Variants in AGBL4 observed in about 807,000 individuals in gnomAD.
The protein encoded by AGBL4 is AGBL carboxypeptidase 4.
Under a neutral mutation model 66.4 loss-of-function variants are expected in AGBL4, and 58 were observed. That is an observed-to-expected ratio of 0.87 (90% CI 0.71 to 1.09). The LOEUF is 1.09. Ranked by LOEUF, AGBL4 falls within the 50% of genes least tolerant of loss-of-function variation. The probability of loss-of-function intolerance (pLI) is 0.00; values close to 1 mark genes in which losing one functional copy is unlikely to be tolerated. For missense variants in AGBL4, 579 were observed against 631.0 expected (o/e 0.92, Z 0.88); for synonymous variants, 234 against 222.9 (o/e 1.05, Z -0.44).
At chr1:49,178,422 G>A (rs891136814) in intron 4 of AGBL4, among the ~76,000 whole-genome samples, 7 of 152,000 alleles carry the variant, frequency 4.6e-5, no homozygotes, top group African/African-American at 7.2e-5. Context: ...CTCTGCATGC[G>A]GAATTCAAGT....
At chr1:49,285,344 C>A (rs545169984) in intron 3 of AGBL4, among the ~76,000 whole-genome samples, 1 of 151,994 alleles carries the variant, frequency 6.6e-6, no homozygotes, top group African/African-American at 2.4e-5. Context: ...CACAACATAC[C>A]ATTATCTGTG....
At chr1:48,662,880 C>T (rs905632864) in intron 7 of AGBL4, among the ~76,000 whole-genome samples, 8 of 151,970 alleles carry the variant, frequency 5.3e-5, no homozygotes, top group African/African-American at 1.9e-4. Flanking sequence ...CTCTTCCTCA[C>T]CACAGCACAT....
At chr1:49,096,186 A>G (rs1645097549) in intron 4 of AGBL4, among the ~76,000 whole-genome samples, 1 of 151,894 alleles carries the variant, frequency 6.6e-6, no homozygotes, top group South Asian at 2.1e-4. Flanking sequence ...AAGTCAGGAA[A>G]CAACAGGTGC....
chr1:49,015,864 A>G (rs1015737317), intron 5 of AGBL4, among the ~76,000 whole-genome samples: 4 of 152,106 alleles, frequency 2.6e-5, no homozygotes, highest in African/African-American at 9.7e-5. Flanking sequence ...TAAAATGGTC[A>G]ATTTCAGCGG....
chr1:48,762,864 A>G lies in AGBL4; in HGVS notation c.635-99623T>C, dbSNP rs936076767. On this transcript the variant is annotated intron_variant, in intron 6 of 13. Coordinates refer to ENST00000371839, the MANE Select transcript of AGBL4 (RefSeq NM_032785.4). ...GTCTAGTATCAGAGACTTAAGTGTG[A>G]ACCTCAGCTTTTCTATGACAGGATG... Among the ~76,000 whole-genome samples the G allele has an allele frequency of 9.9e-5, 15 of 152,184 alleles. 1 individual carries two copies. Among genetic ancestry groups the G allele is most frequent in the African/African-American group, 3.4e-4 (14 of 41,494 alleles).
At position 49,881,126 on chromosome 1, in the gene AGBL4, C is replaced by T. The variant is rs564868669; in HGVS notation, c.35-29608G>A. On this transcript the variant is annotated intron_variant, in intron 1 of 13. Coordinates refer to ENST00000371839, the MANE Select transcript of AGBL4 (RefSeq NM_032785.4). The stretch of plus-strand genomic sequence containing the variant: ...TGCAGAAATCACCCGTCTTCTGCGT[C>T]GCTCACGCTGGGAGCTGTAGACCAG... Among the ~76,000 whole-genome samples the T allele has an allele frequency of 2.3e-3, 346 of 152,258 alleles. 5 individuals are homozygous for T. The highest frequency in any genetic ancestry group is 7.9e-3 in the African/African-American group (330 of 41,538).
chr1:49,651,593 A>G (rs1646006300), intron 3 of AGBL4, among the ~76,000 whole-genome samples: 2 of 152,184 alleles, frequency 1.3e-5, no homozygotes, highest in South Asian at 2.1e-4. Flanking sequence ...AAAGCTACCC[A>G]TAACACCAAG....
chr1:49,437,015 A>G (rs999542756), intron 3 of AGBL4, among the ~76,000 whole-genome samples: 1 of 152,200 alleles, frequency 6.6e-6, no homozygotes, highest in Non-Finnish European at 1.5e-5. Context: ...TTCAGGCCAA[A>G]AGCCATTAGG....
At chr1:49,969,771 T>C (rs1377094748) in intron 1 of AGBL4, among the ~76,000 whole-genome samples, 1 of 152,228 alleles carries the variant, frequency 6.6e-6, no homozygotes, top group Non-Finnish European at 1.5e-5. Context: ...TGATAGACTT[T>C]TAAGCTGCTC....
rs150851689 is a variant in AGBL4 at position 49,198,460 on chromosome 1, C to T, written c.377+47310G>A. On this transcript the variant is annotated intron_variant, in intron 4 of 13. Coordinates refer to ENST00000371839, the MANE Select transcript of AGBL4 (RefSeq NM_032785.4). ...GGTTCAAGTGATTCTCCTGCCTCAG[C>T]CTCCCGAGTAGCTGGGGTTACAGGT... Among the ~76,000 whole-genome samples the T allele has an allele frequency of 2.0e-4, 31 of 152,212 alleles. No homozygotes were observed. In the East Asian group the frequency reaches 5.6e-3, roughly 28 times the overall value.
At position 49,907,404 on chromosome 1, in the gene AGBL4, C is replaced by G. The variant is rs115126512; in HGVS notation, c.35-55886G>C. ...GAGTGCAGGTTTTCCCACAGTTATT[C>G]CTTTATACTTCATTACATCAATTAA... On this transcript the variant is annotated intron_variant, in intron 1 of 13. Transcript: ENST00000371839. Among the ~76,000 whole-genome samples, 936 of 152,132 alleles carry G rather than the reference C, an allele frequency of 6.2e-3. 8 individuals are homozygous for G. Among genetic ancestry groups the G allele is most frequent in the Non-Finnish European group, 0.011 (733 of 67,956 alleles).
At chr1:49,537,445 A>G (rs530885856) in intron 3 of AGBL4, among the ~76,000 whole-genome samples, 1 of 152,348 alleles carries the variant, frequency 6.6e-6, no homozygotes, top group South Asian at 2.1e-4. Context: ...ACTCAATAAC[A>G]ACAACAAACA....
intron 4 of AGBL4, among the ~76,000 whole-genome samples, chr1:49,226,763 A>G (rs1649943188): frequency 6.6e-6 from 1 of 152,140 alleles, no homozygotes; most frequent in Non-Finnish European, 1.5e-5. Context: ...CTTAAATTCA[A>G]ATTTCTATCT....
intron 3 of AGBL4, among the ~76,000 whole-genome samples, chr1:49,630,095 C>T (rs1645541649): frequency 6.6e-6 from 1 of 152,090 alleles, no homozygotes; most frequent in Non-Finnish European, 1.5e-5. Flanking sequence ...TGTTAAACAC[C>T]TCCAGCTGGT....
chr1:48,557,094 ATC>A (rs1224660188), intron 11 of AGBL4, among the ~76,000 whole-genome samples: 2 of 152,026 alleles, frequency 1.3e-5, no homozygotes, highest in Non-Finnish European at 2.9e-5. Context: ...CTGGCCAAAT[ATC>A]TGTTTTTTTC....
chr1:49,340,257 T>C (rs1212234832), intron 3 of AGBL4, among the ~76,000 whole-genome samples: 1 of 148,320 alleles, frequency 6.7e-6, no homozygotes, highest in Non-Finnish European at 1.5e-5. Context: ...ACTAGACCAA[T>C]CCCCACCTTG....
chr1:49,945,124 A>G (rs1432450772), intron 1 of AGBL4, among the ~76,000 whole-genome samples: 8 of 152,154 alleles, frequency 5.3e-5, no homozygotes, highest in South Asian at 4.1e-4. Context: ...AGAATCGAAA[A>G]GTTTGGAAAA....
chr1:49,867,841 C>A (rs1389670450), intron 1 of AGBL4, among the ~76,000 whole-genome samples: 4 of 152,264 alleles, frequency 2.6e-5, no homozygotes, highest in Non-Finnish European at 5.9e-5. Context: ...CAACTATCAT[C>A]ATGATGACAG....
rs185612403 is a variant in AGBL4, at chr1:49,280,761, T to C, written c.283-34897A>G. ...TTTAAAAAAATTGTTTATTGAACTC[T>C]GCTTATACGATCTAAACTGTTTCAT... On this transcript the variant is annotated intron_variant, in intron 3 of 13. Transcript: ENST00000371839. Among the ~76,000 whole-genome samples, 285 of 152,378 alleles carry C rather than the reference T, an allele frequency of 1.9e-3. 2 individuals carry two copies. Among genetic ancestry groups the C allele is most frequent in the African/African-American group, 6.6e-3 (275 of 41,596 alleles).
Sources: gnomAD v4.1 joint callset for allele counts (sites outside exome capture counted in the v4.1 genomes callset) on GRCh38, gnomAD v4.1.1 for gene constraint, MANE v1.5 for transcripts, NCBI Gene and HGNC (gene_info 2026-07-23, HGNC 2026-07-21) for gene names.